The following PAXBP1 variants were observed in gnomAD, a reference collection of about 807,000 sequenced individuals.
PAXBP1 encodes the protein PAX3 and PAX7 binding protein 1, also known as PAX3- and PAX7-binding protein 1.
A neutral mutation model predicts 119.9 loss-of-function variants in PAXBP1; 44 were observed. That is an observed-to-expected ratio of 0.37 (90% CI 0.29 to 0.47). The LOEUF is 0.47. Ranked by LOEUF, PAXBP1 falls within the 20% of genes least tolerant of loss-of-function variation. The pLI is 0.99. For synonymous variants in PAXBP1, 393 were observed against 406.6 expected (o/e 0.97, Z 0.40); for missense variants, 898 against 1,134.1 (o/e 0.79, Z 2.99).
intron 10 of PAXBP1, among the ~76,000 whole-genome samples, chr21:32,749,010 A>G (rs2043918615): frequency 6.6e-6 from 1 of 152,214 alleles, no homozygotes; most frequent in African/African-American, 2.4e-5. Context: ...TGTATTAGCC[A>G]TAAGTAATTG....
At position 32,766,150 on chromosome 21, in the gene PAXBP1, T is replaced by A. The variant is rs185291609; in HGVS notation, c.473-1626A>T. ...ATTCCACCTCAAAAACAAAACAAAT[T>A]TACCCATGCTAAACCAATGGCTGTT... On this transcript the variant is annotated intron_variant, in intron 2 of 17. Coordinates refer to ENST00000331923, the MANE Select transcript of PAXBP1 (RefSeq NM_016631.4). Among the ~76,000 whole-genome samples, 255 of 151,944 alleles carry A rather than the reference T, an allele frequency of 1.7e-3. 1 individual carries two copies. Among genetic ancestry groups the A allele is most frequent in the African/African-American group, 5.9e-3 (245 of 41,412 alleles).
chr21:32,753,274 T>C (rs1035156390), intron 8 of PAXBP1, among the ~76,000 whole-genome samples: 1 of 151,822 alleles, frequency 6.6e-6, no homozygotes, highest in African/African-American at 2.4e-5. Flanking sequence ...CTGACCAACA[T>C]GGTGAAACCC....
chr21:32,744,274 AAAG>A (rs2146476865), intron 13 of PAXBP1, among the ~76,000 whole-genome samples: 2 of 151,512 alleles, frequency 1.3e-5, no homozygotes, highest in Admixed American at 6.6e-5. Flanking sequence ...AAAAAAAAAA[AAAG>A]AAAAAAAAAA....
rs764593342 is a variant in PAXBP1 at position 32,744,606 on chromosome 21, T to TA, written c.2190+185dup. 3.1e-4 allele frequency among the ~76,000 whole-genome samples: 47 copies of TA among 150,700 alleles called. No individual in the cohort carries two copies. The East Asian group carries it at 7.6e-3, about 24-fold the overall frequency. On this transcript the variant is annotated intron_variant, in intron 13 of 17. Transcript: ENST00000331923. The stretch of plus-strand genomic sequence containing the variant: ...TAACATCTCTCTGCGGGACTAGGTA[T>TA]AAAAAAAAGAAAAAAAAAACCTAAC...
intron 1 of PAXBP1, among the ~76,000 whole-genome samples, 200 bp downstream of exon 1, chr21:32,771,126 G>C (rs1256480284): frequency 6.6e-6 from 1 of 152,242 alleles, no homozygotes; most frequent in African/African-American, 2.4e-5. Flanking sequence ...AGGTGGTTAA[G>C]AAAAGGCTGG....
In PAXBP1 at chr21:32,737,284, C is replaced by T; in HGVS notation, c.2606G>A (p.Gly869Glu). Residue 869 changes from glycine (G) to glutamate (E), a missense_variant, in exon 17 of 18, where the codon GGG becomes GAG. Gly to Glu is a moderately conservative substitution (Grantham distance 98). Around this residue, in one of 2 missense-constraint regions of PAXBP1, gnomAD observed 599 missense variants for 852.7 expected, o/e 0.70. Transcript: ENST00000331923. Reference protein sequence around the residue: ...LADTIYRNSIGCSDVEKRNAR... With the variant: ...LADTIYRNSIECSDVEKRNAR... The stretch of plus-strand genomic sequence containing the variant: ...ATTTCTTTTTTCCACATCAGAACAC[C>T]CGATACTATTTCTATAAATTGTATC... The T allele has an allele frequency of 6.4e-7, 1 of 1,571,536 alleles. No individual in the cohort carries two copies.
At chr21:32,767,071 A>G (rs2044253861) in intron 2 of PAXBP1, among the ~76,000 whole-genome samples, 1 of 151,970 alleles carries the variant, frequency 6.6e-6, no homozygotes. Context: ...CATCAATTCC[A>G]TTCACCTTTA....
At chr21:32,760,918 T>C (rs112669355) in intron 5 of PAXBP1, 141 bp downstream of exon 5, 25 of 636,368 alleles carry the variant, frequency 3.9e-5, no homozygotes, top group African/African-American at 2.8e-4. Context: ...TGTGTGTGTG[T>C]GTGTGTGTGT....
Position 32,761,073 on chromosome 21 carries a change from T to C in PAXBP1, c.961A>G (p.Ile321Val). Residue 321 changes from isoleucine to valine, a missense_variant, in exon 5 of 18, where the codon ATT becomes GTT. By Grantham distance (29) the Ile-to-Val change is conservative. Around this residue, in one of 2 missense-constraint regions of PAXBP1, gnomAD observed 599 missense variants for 852.7 expected, o/e 0.70. Transcript: ENST00000331923. ...RWEQEQIRKG[I>V]NIPQVQASQP... Reference sequence around the variant, plus strand: ...TTTTGTCGTACCTGAGGGATATTAATTCCTTTCCTTATCTGCTCCTGTTCC... The same window carrying C: ...TTTTGTCGTACCTGAGGGATATTAACTCCTTTCCTTATCTGCTCCTGTTCC... The C allele has an allele frequency of 6.2e-7, 1 of 1,613,084 alleles. No homozygotes were observed.
intron 17 of PAXBP1, among the ~76,000 whole-genome samples, chr21:32,735,790 A>G (rs757077655): frequency 1.6e-4 from 24 of 152,346 alleles, no homozygotes; most frequent in Non-Finnish European, 2.2e-4. Flanking sequence ...CTGTTTTAAC[A>G]TTTAGCTTAA....
intron 16 of PAXBP1, 141 bp downstream of exon 16, chr21:32,738,032 G>A (rs2043719575): frequency 1.3e-6 from 1 of 751,378 alleles, no homozygotes; most frequent in African/African-American, 1.9e-5. Context: ...GAACTACCTG[G>A]GTAGGCAAAC....
At chr21:32,743,889 C>A (rs1472182244) in intron 13 of PAXBP1, 135 bp from the exon 14 acceptor site, 4 of 571,192 alleles carry the variant, frequency 7.0e-6, no homozygotes, top group East Asian at 6.0e-5. Context: ...TCATTGAAGA[C>A]CCTAAAGTAA....
intron 2 of PAXBP1, among the ~76,000 whole-genome samples, chr21:32,767,898 TC>T (rs1309128810): frequency 2.0e-5 from 3 of 152,204 alleles, no homozygotes; most frequent in Non-Finnish European, 4.4e-5. Context: ...TTTCTTTTAC[TC>T]TCATCATATA....
At chr21:32,743,599 C>G in intron 14 of PAXBP1, 79 bp downstream of exon 14, 3 of 1,086,248 alleles carry the variant, frequency 2.8e-6, no homozygotes, top group Non-Finnish European at 4.1e-6. Flanking sequence ...GTATTTCAAG[C>G]TAGTTTTTCA....
In PAXBP1 at chr21:32,767,757, C is replaced by T. The variant is rs930290940; in HGVS notation, c.472+2057G>A. 6.6e-5 allele frequency among the ~76,000 whole-genome samples: 10 copies of T among 152,260 alleles called. No homozygotes were observed. The South Asian group carries it at 8.3e-4, about 13-fold the overall frequency. On this transcript the variant is annotated intron_variant, in intron 2 of 17. Coordinates refer to ENST00000331923, the MANE Select transcript of PAXBP1 (RefSeq NM_016631.4). ...CATGATTCTGAGGCCTCCGCAGCCA[C>T]GTGGAACTGTAAGTCCAATTAAACC...
intron 5 of PAXBP1, 30 bp downstream of exon 5, chr21:32,761,029 T>A: frequency 1.3e-6 from 2 of 1,553,414 alleles, no homozygotes; most frequent in Non-Finnish European, 1.7e-6. Flanking sequence ...TAATCTACTT[T>A]TAATTTTTAG....
At chr21:32,743,138 TATAA>T in intron 15 of PAXBP1, 106 bp downstream of exon 15, 1 of 812,426 alleles carries the variant, frequency 1.2e-6, no homozygotes. Flanking sequence ...TGGGTATAGA[TATAA>T]ATAGATCTAA....
At chr21:32,745,788 GAAAC>G (rs1555917985) in intron 11 of PAXBP1, 70 bp from the exon 12 acceptor site, 1 of 1,571,762 alleles carries the variant, frequency 6.4e-7, no homozygotes, top group African/African-American at 1.4e-5. Flanking sequence ...TATGATAAGA[GAAAC>G]AAGAACTGGA....
chr21:32,767,375 T>C (rs1412053963), intron 2 of PAXBP1, among the ~76,000 whole-genome samples: 1 of 152,194 alleles, frequency 6.6e-6, no homozygotes, highest in Non-Finnish European at 1.5e-5. Context: ...ATTGGAGTTA[T>C]CTAGTGAGTG....
Sources: gnomAD v4.1 joint callset for allele counts (sites outside exome capture counted in the v4.1 genomes callset) on GRCh38, gnomAD v4.1.1 for gene constraint, gnomAD v4.1.1 regional missense constraint, MANE v1.5 for transcripts, NCBI Gene and HGNC (gene_info 2026-07-23, HGNC 2026-07-21) for gene names.